The following PIP5K1B variants were observed in gnomAD, a reference collection of about 807,000 sequenced individuals.
PIP5K1B encodes phosphatidylinositol 4-phosphate 5-kinase type-1 beta.
Under a neutral mutation model 67.0 loss-of-function variants are expected in PIP5K1B, and 42 were observed. The observed-to-expected ratio is 0.63, with a 90% confidence interval of 0.49 to 0.81. PIP5K1B has a LOEUF of 0.81. Ranked by LOEUF, PIP5K1B falls within the 30% of genes least tolerant of loss-of-function variation. The pLI, the probability that PIP5K1B is intolerant of heterozygous loss-of-function variation, is 0.00. For missense variants in PIP5K1B, 459 were observed against 646.3 expected, an observed-to-expected ratio of 0.71 and a Z score of 3.14; for synonymous variants, 214 against 231.4, an observed-to-expected ratio of 0.92 and a Z score of 0.68.
In PIP5K1B at chr9:68,980,867, C is replaced by A. The variant is rs63565460; in HGVS notation, c.1503-10273C>A. ...CATGAATTTAAGCAAACTTAGGGGG[C>A]AAAAAAAAGACTCCATTTAACTTTG... On this transcript the variant is annotated intron_variant, in intron 14 of 15. Transcript: ENST00000265382. Among the ~76,000 whole-genome samples the A allele has an allele frequency of 8.2e-3, 1,245 of 151,266 alleles. 19 individuals carry two copies. The highest frequency in any genetic ancestry group is 0.027 in the African/African-American group (1,117 of 41,272).
chr9:68,923,224 C>G, intron 11 of PIP5K1B, 78 bp from the exon 12 acceptor site: 6 of 820,210 alleles, frequency 7.3e-6, no homozygotes, highest in Non-Finnish European at 1.2e-5. Context: ...AACAGAGAAC[C>G]AATTGCATAG....
At chr9:68,708,541 G>GCA (rs111717758) in intron 1 of PIP5K1B, among the ~76,000 whole-genome samples, 3 of 145,508 alleles carry the variant, frequency 2.1e-5, no homozygotes, top group South Asian at 2.2e-4. Flanking sequence ...TTTGTTTGCC[G>GCA]CCCCCCCGCC....
chr9:68,989,243 G>A (rs1242570207), intron 14 of PIP5K1B, among the ~76,000 whole-genome samples: 1 of 151,884 alleles, frequency 6.6e-6, no homozygotes, highest in East Asian at 1.9e-4. Flanking sequence ...CAGTTCCCAG[G>A]TTCCCAGACG....
At position 68,890,696 on chromosome 9, in the gene PIP5K1B, C is replaced by A. The variant is rs181969127; in HGVS notation, c.471+1563C>A. 3.8e-3 allele frequency among the ~76,000 whole-genome samples: 421 copies of A among 111,422 alleles called. 5 individuals carry two copies. The East Asian group carries it at 0.057, about 15-fold the overall frequency. 73.1% of individuals were successfully genotyped at this position (111,422 alleles called of 152,430 possible). On this transcript the variant is annotated intron_variant, in intron 7 of 15. Coordinates refer to ENST00000265382, the MANE Select transcript of PIP5K1B (RefSeq NM_003558.4). ...GGAGGAACAGAAAATATAGAAAAGCCAAAAAAAAAAAAACTAACTATAGTT... is the reference window on the plus strand; with the variant it reads ...GGAGGAACAGAAAATATAGAAAAGCAAAAAAAAAAAAAACTAACTATAGTT...
chr9:68,898,992 C>A (rs1825229846), intron 8 of PIP5K1B, among the ~76,000 whole-genome samples: 1 of 152,202 alleles, frequency 6.6e-6, no homozygotes, highest in Admixed American at 6.5e-5. Context: ...CCAGTGATTC[C>A]CAGCTTGGAA....
intron 5 of PIP5K1B, among the ~76,000 whole-genome samples, chr9:68,871,895 C>A (rs1823641570): frequency 8.4e-6 from 1 of 118,836 alleles, no homozygotes; most frequent in African/African-American, 3.2e-5. Flanking sequence ...ACAAGAAAGT[C>A]AGTTGTCGGG....
intron 4 of PIP5K1B, among the ~76,000 whole-genome samples, chr9:68,861,519 T>C (rs1823072173): frequency 6.6e-6 from 1 of 152,190 alleles, no homozygotes; most frequent in South Asian, 2.1e-4. Context: ...CCAAGAAGTG[T>C]TAAAATGATG....
intron 1 of PIP5K1B, among the ~76,000 whole-genome samples, chr9:68,733,899 A>G (rs1046427688): frequency 1.4e-4 from 22 of 151,970 alleles, no homozygotes; most frequent in African/African-American, 5.1e-4. Flanking sequence ...CGGCCTCCCA[A>G]CGTGCTGGGA....
intron 1 of PIP5K1B, among the ~76,000 whole-genome samples, chr9:68,729,675 A>T (rs543112206): frequency 2.6e-5 from 4 of 152,268 alleles, no homozygotes; most frequent in Middle Eastern, 3.4e-3. Flanking sequence ...CATGAAAAGG[A>T]CCAACATAGA....
intron 1 of PIP5K1B, among the ~76,000 whole-genome samples, chr9:68,730,820 AT>A (rs1221854463): frequency 6.6e-6 from 1 of 152,220 alleles, no homozygotes; most frequent in Admixed American, 6.5e-5. Context: ...CTGGGTACAA[AT>A]TCAAATCGAC....
At position 68,794,390 on chromosome 9, in the gene PIP5K1B, T is replaced by TTTTC. The variant is rs141128949; in HGVS notation, c.-85-24043_-85-24040dup. On this transcript the variant is annotated intron_variant, in intron 2 of 15. Transcript: ENST00000265382. Reference sequence around the variant, plus strand: ...ACAATCAAGGATAAATGACAGTTTCTTTTCTTTCTTTCTTTCTTTCTTTCT... The same window carrying TTTTC: ...ACAATCAAGGATAAATGACAGTTTCTTTTCTTTCTTTCTTTCTTTCTTTCTTTCT... 8.2e-3 allele frequency among the ~76,000 whole-genome samples: 1,235 copies of TTTTC among 150,646 alleles called. 12 individuals carry two copies. The highest frequency in any genetic ancestry group is 0.025 in the African/African-American group (1,006 of 40,920).
At chr9:68,724,567 G>A (rs1271824567) in intron 1 of PIP5K1B, among the ~76,000 whole-genome samples, 1 of 152,058 alleles carries the variant, frequency 6.6e-6, no homozygotes, top group Admixed American at 6.6e-5. Context: ...CTCTGAGCAT[G>A]AGACATCTTT....
At chr9:68,866,670 G>C (rs906643768) in intron 5 of PIP5K1B, among the ~76,000 whole-genome samples, 5 of 152,114 alleles carry the variant, frequency 3.3e-5, no homozygotes, top group African/African-American at 1.2e-4. Context: ...AAAATAATCA[G>C]GTACTAGACC....
chr9:68,950,680 G>A (rs896765870), intron 14 of PIP5K1B, among the ~76,000 whole-genome samples: 1 of 152,144 alleles, frequency 6.6e-6, no homozygotes, highest in African/African-American at 2.4e-5. Flanking sequence ...TCTAGCTGGG[G>A]GGTCTGCAAG....
chr9:68,899,382 A>G (rs544366347), intron 8 of PIP5K1B, among the ~76,000 whole-genome samples: 62 of 152,208 alleles, frequency 4.1e-4, no homozygotes, highest in Non-Finnish European at 7.5e-4. Context: ...TTATATCTAC[A>G]TGCCTGGTTC....
At chr9:68,726,816 T>C (rs1346830494) in intron 1 of PIP5K1B, among the ~76,000 whole-genome samples, 1 of 152,226 alleles carries the variant, frequency 6.6e-6, no homozygotes, top group Non-Finnish European at 1.5e-5. Context: ...GATCGTTCTT[T>C]TGAATTTAGA....
chr9:68,780,122 T>A, intron 2 of PIP5K1B: 1 of 1,488,122 alleles, frequency 6.7e-7, no homozygotes, highest in Non-Finnish European at 8.9e-7. Context: ...ATGGGAATCC[T>A]AGGTCCCTGA....
At chr9:68,808,863 G>A (rs1833011077) in intron 2 of PIP5K1B, among the ~76,000 whole-genome samples, 1 of 152,170 alleles carries the variant, frequency 6.6e-6, no homozygotes, top group African/African-American at 2.4e-5. Flanking sequence ...TTTGGCAGTG[G>A]CTTGGTTATA....
intron 14 of PIP5K1B, among the ~76,000 whole-genome samples, chr9:68,951,095 T>C (rs1243817831): frequency 2.0e-5 from 3 of 152,178 alleles, no homozygotes; most frequent in African/African-American, 7.2e-5. Context: ...CCATTCAGAA[T>C]AATATTAATC....
Sources: gnomAD v4.1 joint callset for allele counts (sites outside exome capture counted in the v4.1 genomes callset) on GRCh38, gnomAD v4.1.1 for gene constraint, MANE v1.5 for transcripts, NCBI Gene and HGNC (gene_info 2026-07-23, HGNC 2026-07-21) for gene names.